Variants in MYO1C observed in about 807,000 individuals in gnomAD.
MYO1C encodes myosin IC.
MYO1C carries 104 observed loss-of-function variants against 150.8 expected under a neutral mutation model. The observed-to-expected ratio is 0.69, with a 90% CI of 0.59 to 0.81. The LOEUF (loss-of-function observed/expected upper bound fraction) is 0.81, where lower values mean the gene tolerates loss of function less well. Among genes scored for constraint, MYO1C ranks in the 30% least tolerant of loss-of-function variants. MYO1C has a pLI of 0.00. For missense variants in MYO1C, 1,504 were observed against 1,435.0 expected, an observed-to-expected ratio of 1.05 and a Z score of -0.78; for synonymous variants, 663 against 579.9, an observed-to-expected ratio of 1.14 and a Z score of -2.06.
intron 27 of MYO1C, 30 bp downstream of exon 27, chr17:1,468,223 C>T (rs1378665217): frequency 5.6e-6 from 9 of 1,612,508 alleles, no homozygotes; most frequent in Non-Finnish European, 7.6e-6. Context: ...CACCGTGCTG[C>T]TGGACTCAGG....
intron 21 of MYO1C, 21 bp from the exon 22 acceptor site, chr17:1,470,710 C>G: frequency 1.3e-6 from 2 of 1,597,946 alleles, no homozygotes; most frequent in East Asian, 2.2e-5. Context: ...GAAAGAAAGG[C>G]AATTGGCCAG....
Position 1,474,931 on chromosome 17 carries a change from T to G in MYO1C, c.1669+7A>C. The G allele has an allele frequency of 1.2e-6, 2 of 1,604,670 alleles. No individual in the cohort carries two copies. The highest frequency in any genetic ancestry group is 1.7e-6 in the Non-Finnish European group (2 of 1,175,242). Reference sequence around the variant, plus strand: ...CCCCTGTGGGGACACAGCCCCAGGATCCTCACCGGTCACGCTGTAGGTCAC... The same window carrying G: ...CCCCTGTGGGGACACAGCCCCAGGAGCCTCACCGGTCACGCTGTAGGTCAC... On this transcript the variant is annotated splice_region_variant and intron_variant, in intron 15 of 31. Transcript: ENST00000648651.
rs532985838 is a variant in MYO1C at position 1,478,262 on chromosome 17, C to T, written c.1296-70G>A. 5.0e-5 allele frequency: 78 copies of T among 1,568,204 alleles called. No homozygotes were observed. Among genetic ancestry groups the T allele is most frequent in the Admixed American group, 1.3e-4 (8 of 59,710 alleles). On this transcript the variant is annotated intron_variant, in intron 11 of 31. Transcript: ENST00000648651. The surrounding 1 kb of genome is among the most constrained non-coding windows in gnomAD (Gnocchi z 6.3). Reference sequence around the variant, plus strand: ...GGACCAGGAGAGGGGAAAAGCTGGACGACGCCCCTGAGCACAGGAGGTGAG... The same window carrying T: ...GGACCAGGAGAGGGGAAAAGCTGGATGACGCCCCTGAGCACAGGAGGTGAG...
At chr17:1,467,402 AC>A in intron 30 of MYO1C, 61 bp from the exon 31 acceptor site, 2 of 1,591,326 alleles carry the variant, frequency 1.3e-6, no homozygotes, top group Non-Finnish European at 8.6e-7. Flanking sequence ...CCTAAGGTGG[AC>A]CCCCACCCTG....
At chr17:1,485,630 G>C (rs1022457187) in intron 1 of MYO1C, 104 of 1,147,418 alleles carry the variant, frequency 9.1e-5, no homozygotes, top group Non-Finnish European at 1.2e-5. Context: ...AGGCCGAGGC[G>C]ACGCCGCGAG....
chr17:1,482,235 CTT>C (rs1236242930), intron 5 of MYO1C, among the ~76,000 whole-genome samples: 3 of 152,134 alleles, frequency 2.0e-5, no homozygotes, highest in African/African-American at 7.2e-5. Flanking sequence ...TAAAATGCCA[CTT>C]TCTCAGTGAG....
intron 23 of MYO1C, 24 bp from the exon 24 acceptor site, chr17:1,470,358 T>C (rs1444839733): frequency 2.0e-6 from 3 of 1,527,130 alleles, no homozygotes; most frequent in East Asian, 2.5e-5. Flanking sequence ...CCAGACAGGG[T>C]TGGGGGTGAG....
Position 1,485,969 on chromosome 17 carries a change from C to T in MYO1C, c.76-1666G>A, listed in dbSNP as rs1056126910. ...GGGCGGGGGCGGGCTCCGCCTGAGT[C>T]AGGTTTTCCAGGAGGGACGCCGTTG... On this transcript the variant is annotated intron_variant, in intron 1 of 31. Transcript: ENST00000648651. 2.1e-4 allele frequency: 32 copies of T among 155,656 alleles called. 1 individual carries two copies. Among genetic ancestry groups the T allele is most frequent in the Admixed American group, 1.1e-3 (17 of 15,416 alleles). The allele number at this position is 155,656 out of a possible 1,614,324, so 9.6% of individuals were successfully genotyped here.
In MYO1C at chr17:1,472,001, G is replaced by A. The variant is rs771691743; in HGVS notation, c.1927C>T (p.Arg643Cys). ...QPGRFDEVLI[R>C]HQVKYLGLLE... The stretch of plus-strand genomic sequence containing the variant: ...AGCCCCAGGTACTTCACCTGGTGGC[G>A]GATCAGCACCTCGTCAAAGCGGCCT... Residue 643 changes from arginine to cysteine, a missense_variant, in exon 19 of 32, where the codon CGC (arginine) becomes TGC (cysteine). By Grantham distance (180) the Arg-to-Cys change is radical. Transcript: ENST00000648651. 2.5e-6 allele frequency: 4 copies of A among 1,614,032 alleles called. No homozygotes were observed. The highest frequency in any genetic ancestry group is 3.4e-6 in the Non-Finnish European group (4 of 1,179,976).
rs994003614 is a variant in MYO1C, at chr17:1,479,479, C to T, written c.1044G>A (p.Thr348=). 8.5e-6 allele frequency: 13 copies of T among 1,520,856 alleles called. No homozygotes were observed. Among genetic ancestry groups the T allele is most frequent in the Admixed American group, 5.8e-5 (3 of 51,898 alleles). The allele number at this position is 1,520,856 out of a possible 1,614,324, so 94.2% of individuals were successfully genotyped here. Residue 348 remains threonine, a synonymous_variant, in exon 9 of 32, where the codon ACG becomes ACA. Coordinates refer to ENST00000648651, the MANE Select transcript of MYO1C (RefSeq NM_001080779.2). This position sits in a 1 kb window ranked among gnomAD's most constrained non-coding sequence, Gnocchi z 4.2. ...TCCTGTGTGTCAGGGCTTCTCGCAG[C>T]GTCGAGCCTTCCACGCTGAGGAGCT... ...LTRLLSVEGS[T]LREALTHRKI... is the part of the protein sequence containing the mutation.
intron 14 of MYO1C, among the ~76,000 whole-genome samples, chr17:1,475,528 C>A (rs772044388): frequency 1.3e-5 from 2 of 152,208 alleles, no homozygotes; most frequent in African/African-American, 2.4e-5. Flanking sequence ...GTGCCAGGAC[C>A]GGGACCTGGG....
intron 7 of MYO1C, 51 bp downstream of exon 7, chr17:1,480,476 G>A (rs778233649): frequency 4.1e-6 from 6 of 1,456,732 alleles, no homozygotes; most frequent in Non-Finnish European, 5.8e-6. Context: ...AAAAAAAGGA[G>A]ATTTTGGGGG....
In MYO1C at chr17:1,469,175, G is replaced by A. The variant is rs957124378; in HGVS notation, c.2610+356C>T. 4.6e-5 allele frequency: 17 copies of A among 370,264 alleles called. 1 individual carries two copies. Among genetic ancestry groups the A allele is most frequent in the African/African-American group, 8.4e-5 (4 of 47,484 alleles). 22.9% of individuals were successfully genotyped at this position (370,264 alleles called of 1,614,324 possible). On this transcript the variant is annotated intron_variant, in intron 25 of 31. Transcript: ENST00000648651. ...CAGACCGGGGTAAACAGAGTAGACCGGGGTAAATACGGTAGGCGGGGTAAA... is the reference window on the plus strand; with the variant it reads ...CAGACCGGGGTAAACAGAGTAGACCAGGGTAAATACGGTAGGCGGGGTAAA...
rs767997586 is a variant in MYO1C, at chr17:1,484,282, G to T, written c.97C>A (p.Arg33=). 6.2e-7 allele frequency: 1 copy of T among 1,611,024 alleles called. No individual in the cohort carries two copies. Among genetic ancestry groups the T allele is most frequent in the East Asian group, 2.2e-5 (1 of 44,880 alleles). Residue 33 remains arginine (R), a synonymous_variant, in exon 2 of 32, where the codon CGG becomes AGG. Coordinates refer to ENST00000648651, the MANE Select transcript of MYO1C (RefSeq NM_001080779.2). ...GTGAGCGCACTCTCCATGGTCACCC[G>T]AACCCCGTCACTGCCCAGGGCCTGC... The part of the protein sequence containing the change: ...CKLALGSDGV[R]VTMESALTAR...
At chr17:1,469,709 C>G (rs1189328016) in intron 24 of MYO1C, 95 bp from the exon 25 acceptor site, 1 of 1,009,160 alleles carries the variant, frequency 9.9e-7, no homozygotes, top group Non-Finnish European at 1.5e-6. Flanking sequence ...GGATAAGTAA[C>G]ACCCCCTCCA....
In MYO1C at chr17:1,479,568, T is replaced by C. The variant is rs941057761; in HGVS notation, c.1020+24A>G. 3.9e-6 allele frequency: 5 copies of C among 1,268,212 alleles called. No homozygotes were observed. Among genetic ancestry groups the C allele is most frequent in the African/African-American group, 1.5e-5 (1 of 67,572 alleles). 78.6% of individuals were successfully genotyped at this position (1,268,212 alleles called of 1,614,324 possible). On this transcript the variant is annotated intron_variant, in intron 8 of 31. Coordinates refer to ENST00000648651, the MANE Select transcript of MYO1C (RefSeq NM_001080779.2). The surrounding 1 kb of genome is among the most constrained non-coding windows in gnomAD (Gnocchi z 4.2). ...AGCCCCCGCCCCCGCCGTCCTCCCG[T>C]CGCCCTCTGCCCGCCCCACTCACCC...
In MYO1C at chr17:1,474,710, G is replaced by A; in HGVS notation, c.1717-20C>T. On this transcript the variant is annotated intron_variant, in intron 16 of 31. Transcript: ENST00000648651. ...CATGGTCTGTGTGGGCAGAGCCGGG[G>A]TCAGGGTGGGGCACAGGGACAGGCA... 3 of 1,613,928 alleles carry A rather than the reference G, an allele frequency of 1.9e-6. No homozygotes were observed. The highest frequency in any genetic ancestry group is 2.5e-6 in the Non-Finnish European group (3 of 1,179,822).
intron 3 of MYO1C, among the ~76,000 whole-genome samples, chr17:1,483,291 A>C (rs2074575933): frequency 6.7e-6 from 1 of 150,048 alleles, no homozygotes; most frequent in Admixed American, 6.6e-5. Context: ...GCTGGAGGTC[A>C]CTTAGGTGGA....
At chr17:1,488,578 G>A (rs1208226092) in intron 1 of MYO1C, among the ~76,000 whole-genome samples, 1 of 152,250 alleles carries the variant, frequency 6.6e-6, no homozygotes, top group Non-Finnish European at 1.5e-5. Flanking sequence ...ACTTGTGCAA[G>A]GTCTCAGGAG....
Sources: allele counts gnomAD v4.1 joint callset (sites outside exome capture counted in the v4.1 genomes callset), GRCh38; gene constraint gnomAD v4.1.1; non-coding constraint Gnocchi (gnomAD v3.1); transcripts MANE v1.5; gene names NCBI Gene and HGNC (gene_info 2026-07-23, HGNC 2026-07-21).